Variants in CYSLTR1 observed in about 807,000 individuals in gnomAD.
The protein encoded by CYSLTR1 is G-protein coupled receptor HG55.
A neutral mutation model predicts 2.1 loss-of-function variants in CYSLTR1; 1 was observed. That is an observed-to-expected ratio of 0.48 (90% confidence interval 0.17 to 2.28). The LOEUF (loss-of-function observed/expected upper bound fraction) is 2.28, where lower values mean the gene tolerates loss of function less well. Among genes scored for constraint, CYSLTR1 ranks in the 30% most tolerant of loss-of-function variants. CYSLTR1 has a pLI of 0.26. For synonymous variants in CYSLTR1, 110 were observed against 89.6 expected (o/e 1.23, Z -1.28); for missense variants, 299 against 250.1 (o/e 1.20, Z -1.32).
chrX:78,273,921 C>T (rs1416264851), intron 2 of CYSLTR1, 148 bp from the exon 3 acceptor site: 2 of 490,402 alleles, frequency 4.1e-6, no homozygotes, highest in African/African-American at 2.4e-5. Context: ...TTCAGCTGTA[C>T]CTTATCCTCC....
chrX:78,279,384 CA>C (rs1238064694), intron 2 of CYSLTR1, among the ~76,000 whole-genome samples: 1 of 111,679 alleles, frequency 9.0e-6, no homozygotes, highest in Non-Finnish European at 1.9e-5. Flanking sequence ...AAATGCAAGT[CA>C]AAACCACAGT....
intron 1 of CYSLTR1, among the ~76,000 whole-genome samples, chrX:78,325,525 A>G (rs1170741956): frequency 1.8e-5 from 2 of 112,325 alleles, no homozygotes; most frequent in Admixed American, 9.4e-5. Context: ...ACCAAGAAAT[A>G]CTAATGGCTG....
intron 1 of CYSLTR1, among the ~76,000 whole-genome samples, chrX:78,302,245 G>A (rs1922848652): frequency 8.9e-6 from 1 of 112,226 alleles, no homozygotes; most frequent in Non-Finnish European, 1.9e-5. Context: ...TTCCCTTAAG[G>A]CCTAAAGGCT....
chrX:78,272,619 T>C lies in CYSLTR1; in HGVS notation c.*114A>G. The C allele has an allele frequency of 1.4e-6, 1 of 737,920 alleles. No homozygotes were observed. 60.8% of individuals were successfully genotyped at this position (737,920 alleles called of 1,213,427 possible). ...AATGAGATAGAGTTGTAGGCCCAAA[T>C]AGTTAAGTATTTGTAAAATATTAAG... On this transcript the variant is annotated 3_prime_UTR_variant, in exon 3 of 3. Transcript: ENST00000373304.
intron 1 of CYSLTR1, among the ~76,000 whole-genome samples, chrX:78,294,965 G>A (rs748977424): frequency 7.1e-5 from 8 of 112,211 alleles, no homozygotes; most frequent in South Asian, 3.6e-4. Context: ...GCCCCACTTC[G>A]GCTTGCCCTC....
chrX:78,301,937 G>C (rs1922836981), intron 1 of CYSLTR1, among the ~76,000 whole-genome samples: 1 of 112,161 alleles, frequency 8.9e-6, no homozygotes, highest in Non-Finnish European at 1.9e-5. Flanking sequence ...CTTACATGGT[G>C]GCAGGCAAGA....
chrX:78,301,545 C>A (rs1922821737), intron 1 of CYSLTR1, among the ~76,000 whole-genome samples: 1 of 112,145 alleles, frequency 8.9e-6, no homozygotes, highest in Admixed American at 9.4e-5. Flanking sequence ...TATTCTGGTT[C>A]TCAACAAGTT....
At chrX:78,288,295 C>T (rs967190274) in intron 1 of CYSLTR1, among the ~76,000 whole-genome samples, 1 of 111,718 alleles carries the variant, frequency 9.0e-6, no homozygotes, top group African/African-American at 3.3e-5. Flanking sequence ...TATATACTAT[C>T]GTGCTAAGTG....
chrX:78,316,613 C>A (rs1423292993), intron 1 of CYSLTR1, among the ~76,000 whole-genome samples: 1 of 111,799 alleles, frequency 8.9e-6, no homozygotes, highest in Non-Finnish European at 1.9e-5. Context: ...AGCTATCCCC[C>A]ACTTCTCTTG....
At chrX:78,290,004 T>C (rs1922249395) in intron 1 of CYSLTR1, among the ~76,000 whole-genome samples, 1 of 111,950 alleles carries the variant, frequency 8.9e-6, no homozygotes, top group African/African-American at 3.2e-5. Context: ...TTTGTTGCCA[T>C]TGCTTTTGGT....
chrX:78,286,658 A>G (rs1922086122), intron 1 of CYSLTR1, among the ~76,000 whole-genome samples: 1 of 73,038 alleles, frequency 1.4e-5, no homozygotes, highest in Admixed American at 1.7e-4. Flanking sequence ...TCCCCACAAC[A>G]GTCCCCAGAG....
intron 1 of CYSLTR1, among the ~76,000 whole-genome samples, chrX:78,324,772 T>A (rs370613047): frequency 2.1e-4 from 23 of 112,010 alleles, no homozygotes; most frequent in African/African-American, 6.2e-4. Flanking sequence ...TGTTCATATC[T>A]GATTGAACTG....
At chrX:78,323,033 A>G (rs1923725129) in intron 1 of CYSLTR1, among the ~76,000 whole-genome samples, 1 of 112,161 alleles carries the variant, frequency 8.9e-6, no homozygotes, top group Admixed American at 9.5e-5. Flanking sequence ...GCATAAGACC[A>G]GAACTTAAGG....
chrX:78,273,612 G>C lies in CYSLTR1; in HGVS notation c.135C>G (p.Leu45=). The part of the protein sequence containing the change: ...VVGFFGNGFV[L]YVLIKTYHKK... ...TGTGATAGGTTTTTATGAGGACATAGAGCACAAAGCCATTGCCAAAGAAGC... is the reference window on the plus strand; with the variant it reads ...TGTGATAGGTTTTTATGAGGACATACAGCACAAAGCCATTGCCAAAGAAGC... The change falls in exon 3 of 3, where the codon CTC becomes CTG. Residue 45 remains leucine, a synonymous_variant. Coordinates refer to ENST00000373304, the MANE Select transcript of CYSLTR1 (RefSeq NM_006639.4). The C allele has an allele frequency of 8.3e-7, 1 of 1,211,480 alleles. No homozygotes were observed. Among genetic ancestry groups the C allele is most frequent in the Middle Eastern group, 2.3e-4 (1 of 4,354 alleles).
intron 2 of CYSLTR1, among the ~76,000 whole-genome samples, chrX:78,278,570 A>G (rs1921702143): frequency 8.9e-6 from 1 of 112,569 alleles, no homozygotes; most frequent in African/African-American, 3.2e-5. Flanking sequence ...TGCTATTCCT[A>G]TGAAACTACC....
intron 2 of CYSLTR1, among the ~76,000 whole-genome samples, chrX:78,278,567 C>T: frequency 8.9e-6 from 1 of 112,333 alleles, no homozygotes; most frequent in Admixed American, 9.5e-5. Flanking sequence ...TAATGCTATT[C>T]CTATGAAACT....
At chrX:78,295,200 G>C (rs1469796573) in intron 1 of CYSLTR1, among the ~76,000 whole-genome samples, 1 of 111,687 alleles carries the variant, frequency 9.0e-6, no homozygotes, top group Non-Finnish European at 1.9e-5. Context: ...GCAAATGACA[G>C]TATTAAAGTC....
chrX:78,291,701 G>T (rs1186716866), intron 1 of CYSLTR1, among the ~76,000 whole-genome samples: 2 of 111,454 alleles, frequency 1.8e-5, no homozygotes, highest in Admixed American at 1.9e-4. Flanking sequence ...CAGGGTGTAT[G>T]TGTCCAGGAA....
Position 78,273,015 on chromosome X carries a change from G to A in CYSLTR1, c.732C>T (p.Val244=). 2 of 1,211,555 alleles carry A rather than the reference G, an allele frequency of 1.7e-6. No homozygotes were observed. The highest frequency in any genetic ancestry group is 2.2e-6 in the Non-Finnish European group (2 of 895,399). Residue 244 remains valine, a synonymous_variant, in exon 3 of 3, where the codon GTC becomes GTT. Transcript: ENST00000373304. ...MIMVVTAAFL[V]SFMPYHIQRT... ...GTTGAATATGATATGGCATGAAACT[G>A]ACTAAAAAGGCAGCGGTCACGACCA...
Sources: allele counts gnomAD v4.1 joint callset (sites outside exome capture counted in the v4.1 genomes callset), GRCh38; gene constraint gnomAD v4.1.1; transcripts MANE v1.5; gene names NCBI Gene and HGNC (gene_info 2026-07-23, HGNC 2026-07-21).